MIGA1: variants seen among roughly 807,000 people sequenced by gnomAD.
The protein encoded by MIGA1 is mitoguardin 1, also known as family with sequence similarity 73, member A.
A neutral mutation model predicts 82.0 loss-of-function variants in MIGA1; 58 were observed. The observed-to-expected ratio is 0.71, with a 90% CI of 0.57 to 0.88. The LOEUF (loss-of-function observed/expected upper bound fraction) is 0.88, where lower values mean the gene tolerates loss of function less well. Ranked by LOEUF, MIGA1 falls within the 40% of genes least tolerant of loss-of-function variation. The pLI, the probability that MIGA1 is intolerant of heterozygous loss-of-function variation, is 0.00. For missense variants in MIGA1, 751 were observed against 749.1 expected (o/e 1.00, Z -0.03); for synonymous variants, 249 against 253.6 (o/e 0.98, Z 0.17).
chr1:77,822,244 T>G (rs551782245), intron 7 of MIGA1, among the ~76,000 whole-genome samples: 1 of 152,320 alleles, frequency 6.6e-6, no homozygotes, highest in African/African-American at 2.4e-5. Flanking sequence ...TATTCTGTTT[T>G]TACGTTTTTC....
intron 7 of MIGA1, 50 bp downstream of exon 7, chr1:77,815,281 A>G (rs1683528943): frequency 2.1e-6 from 3 of 1,428,802 alleles, no homozygotes; most frequent in Admixed American, 2.1e-5. Flanking sequence ...CTTTTCTTTT[A>G]TATCCTTGGA....
At chr1:77,841,334 C>T (rs1329558975) in intron 7 of MIGA1, among the ~76,000 whole-genome samples, 2 of 151,602 alleles carry the variant, frequency 1.3e-5, no homozygotes, top group African/African-American at 2.4e-5. Context: ...TCTCACCAAA[C>T]ATAAAGTAGG....
chr1:77,797,437 A>G (rs768677016), intron 2 of MIGA1, among the ~76,000 whole-genome samples: 5 of 152,176 alleles, frequency 3.3e-5, no homozygotes, highest in Admixed American at 6.5e-5. Context: ...GAGTTCTGCA[A>G]CTTTGTTCTT....
At chr1:77,869,189 C>T (rs548026828) in intron 14 of MIGA1, among the ~76,000 whole-genome samples, 5 of 143,674 alleles carry the variant, frequency 3.5e-5, no homozygotes, top group Admixed American at 1.4e-4. Context: ...CAAAGCACAT[C>T]TTGCACCGCC....
At chr1:77,848,367 A>AAAAGC (rs1684921889) in intron 8 of MIGA1, 2 of 1,155,416 alleles carry the variant, frequency 1.7e-6, no homozygotes, top group South Asian at 1.4e-5. Context: ...GAAGGAAGAG[A>AAAAGC]AAAGCAAAGC....
At chr1:77,809,893 A>G (rs1221611210) in intron 5 of MIGA1, among the ~76,000 whole-genome samples, 1 of 150,512 alleles carries the variant, frequency 6.6e-6, no homozygotes, top group Non-Finnish European at 1.5e-5. Flanking sequence ...TGGCGATCCT[A>G]TCTACCTATA....
At chr1:77,780,428 T>C (rs918283933) in intron 1 of MIGA1, among the ~76,000 whole-genome samples, 70 of 152,242 alleles carry the variant, frequency 4.6e-4, no homozygotes, top group African/African-American at 1.6e-3. Flanking sequence ...GTTGTTTTAT[T>C]GTTGTTGTTA....
chr1:77,836,724 C>T (rs1684436807), intron 7 of MIGA1, among the ~76,000 whole-genome samples: 1 of 152,152 alleles, frequency 6.6e-6, no homozygotes, highest in East Asian at 1.9e-4. Flanking sequence ...AATCAGAAAC[C>T]ACGCTTTTAC....
intron 7 of MIGA1, among the ~76,000 whole-genome samples, chr1:77,831,029 C>T (rs963001239): frequency 9.2e-5 from 14 of 152,176 alleles, no homozygotes; most frequent in African/African-American, 3.4e-4. Flanking sequence ...GACTCAGAGC[C>T]TAACCTCCAT....
intron 7 of MIGA1, among the ~76,000 whole-genome samples, chr1:77,838,102 A>G (rs1224960655): frequency 2.0e-5 from 3 of 152,200 alleles, no homozygotes; most frequent in African/African-American, 7.2e-5. Flanking sequence ...TGGGACCAAG[A>G]CATATAGTTG....
At chr1:77,840,284 A>T (rs1684579396) in intron 7 of MIGA1, among the ~76,000 whole-genome samples, 1 of 152,142 alleles carries the variant, frequency 6.6e-6, no homozygotes, top group Non-Finnish European at 1.5e-5. Flanking sequence ...TTCCTCTGGA[A>T]GTGAGCCATT....
chr1:77,850,214 C>A (rs769015481), intron 8 of MIGA1, among the ~76,000 whole-genome samples: 12 of 152,100 alleles, frequency 7.9e-5, no homozygotes, highest in Non-Finnish European at 1.0e-4. Context: ...CCTGGCTTCC[C>A]GCAGAGGGAG....
At chr1:77,828,662 G>C (rs890324826) in intron 7 of MIGA1, among the ~76,000 whole-genome samples, 1 of 152,078 alleles carries the variant, frequency 6.6e-6, no homozygotes, top group Non-Finnish European at 1.5e-5. Context: ...AAGTCTGTTT[G>C]TCTTTTTGTT....
In MIGA1 at chr1:77,825,774, G is replaced by A. The variant is rs930747481; in HGVS notation, c.895+10543G>A. 2.6e-5 allele frequency among the ~76,000 whole-genome samples: 4 copies of A among 152,102 alleles called. 1 individual carries two copies. The highest frequency in any genetic ancestry group is 2.0e-4 in the Admixed American group (3 of 15,274). ...AAACTTTTTTTTTGTAACTTCTGAAGGCTTAACGAAAACCTCCAATATGAT... is the reference window on the plus strand; with the variant it reads ...AAACTTTTTTTTTGTAACTTCTGAAAGCTTAACGAAAACCTCCAATATGAT... On this transcript the variant is annotated intron_variant, in intron 7 of 15. Coordinates refer to ENST00000370791, the MANE Select transcript of MIGA1 (RefSeq NM_198549.4).
At chr1:77,823,753 A>G (rs1385457428) in intron 7 of MIGA1, among the ~76,000 whole-genome samples, 6 of 152,096 alleles carry the variant, frequency 3.9e-5, no homozygotes, top group Non-Finnish European at 8.8e-5. Flanking sequence ...TTTTGTAGAG[A>G]CGGGGTCTCA....
intron 7 of MIGA1, among the ~76,000 whole-genome samples, chr1:77,839,080 C>T (rs1223127774): frequency 6.6e-6 from 1 of 152,090 alleles, no homozygotes; most frequent in Non-Finnish European, 1.5e-5. Context: ...GTAAAACACA[C>T]CCACGGGTAG....
At chr1:77,847,285 C>T in intron 8 of MIGA1, 1 of 951,628 alleles carries the variant, frequency 1.1e-6, no homozygotes, top group Non-Finnish European at 1.7e-6. Context: ...ACAGACCAAA[C>T]TGGAATCCAG....
At chr1:77,826,944 A>G (rs1684049564) in intron 7 of MIGA1, among the ~76,000 whole-genome samples, 1 of 151,088 alleles carries the variant, frequency 6.6e-6, no homozygotes. Context: ...AACTGGGATT[A>G]AAAGCGCCCG....
rs145776216 is a variant in MIGA1, at chr1:77,857,140, G to A, written c.997-1798G>A. 8.5e-5 allele frequency among the ~76,000 whole-genome samples: 13 copies of A among 152,186 alleles called. No homozygotes were observed. In the East Asian group the frequency reaches 1.7e-3, roughly 20 times the overall value. ...CGTGCTTTTGTTTTTGACCCAGTGC[G>A]CATTCAGGAGCAGGTTATTTGATTT... On this transcript the variant is annotated intron_variant, in intron 8 of 15. Transcript: ENST00000370791.
Sources: gnomAD v4.1 joint callset for allele counts (sites outside exome capture counted in the v4.1 genomes callset) on GRCh38, gnomAD v4.1.1 for gene constraint, MANE v1.5 for transcripts, NCBI Gene and HGNC (gene_info 2026-07-23, HGNC 2026-07-21) for gene names.